PRPH2: variants seen among roughly 807,000 people sequenced by gnomAD.
The protein encoded by PRPH2 is peripherin 2.
A neutral mutation model predicts 31.3 loss-of-function variants in PRPH2; 17 were observed. That is an observed-to-expected ratio of 0.54 (90% CI 0.37 to 0.81). The LOEUF (loss-of-function observed/expected upper bound fraction) is 0.81. Among genes scored for constraint, PRPH2 ranks in the 40% least tolerant of loss-of-function variants. The probability of loss-of-function intolerance (pLI) is 0.00; values close to 1 mark genes in which losing one functional copy is unlikely to be tolerated. For missense variants in PRPH2, 430 were observed against 439.7 expected, an observed-to-expected ratio of 0.98 and a Z score of 0.20; for synonymous variants, 165 against 184.4, an observed-to-expected ratio of 0.89 and a Z score of 0.85.
intron 2 of PRPH2, among the ~76,000 whole-genome samples, chr6:42,701,872 C>T (rs1800052308): frequency 6.6e-6 from 1 of 151,794 alleles, no homozygotes; most frequent in Admixed American, 6.6e-5. Context: ...CCTCATTCTA[C>T]CCACCCAAGA....
intron 2 of PRPH2, among the ~76,000 whole-genome samples, chr6:42,699,464 C>T (rs1800010872): frequency 6.6e-6 from 1 of 152,176 alleles, no homozygotes; most frequent in South Asian, 2.1e-4. Flanking sequence ...TGCCAAAATG[C>T]CTGGGTTCAA....
rs753117002 is a variant in PRPH2, at chr6:42,704,346, C to A, written c.828+19G>T. The A allele has an allele frequency of 6.2e-6, 10 of 1,603,804 alleles. No homozygotes were observed. Among genetic ancestry groups the A allele is most frequent in the Non-Finnish European group, 8.5e-6 (10 of 1,175,432 alleles). ...GGAGGCTCTCCTTACCCTCTACCCC[C>A]AGCTGGCCCAGGGCCTACCTCGAAG... On this transcript the variant is annotated intron_variant, in intron 2 of 2. Transcript: ENST00000230381.
In PRPH2 at chr6:42,697,362, A is replaced by C. The variant is rs1024027455; in HGVS notation, c.*933T>G. 1 of 152,162 alleles carries C rather than the reference A, an allele frequency of 6.6e-6. No individual in the cohort carries two copies. Among genetic ancestry groups the C allele is most frequent in the African/African-American group, 2.4e-5 (1 of 41,418 alleles). The allele number at this position is 152,162 out of a possible 1,614,324, so 9.4% of individuals were successfully genotyped here. On this transcript the variant is annotated 3_prime_UTR_variant, in exon 3 of 3. Transcript: ENST00000230381. ...TTGCTGTGGACAATTAGTGTTGTCCATGGGGCTGTGATGGCCACCTGTGTG... is the reference window on the plus strand; with the variant it reads ...TTGCTGTGGACAATTAGTGTTGTCCCTGGGGCTGTGATGGCCACCTGTGTG...
Position 42,721,967 on chromosome 6 carries a change from C to G in PRPH2, c.368G>C (p.Arg123Pro). The G allele has an allele frequency of 6.2e-7, 1 of 1,613,974 alleles. No individual in the cohort carries two copies. Among genetic ancestry groups the G allele is most frequent in the Non-Finnish European group, 8.5e-7 (1 of 1,180,004 alleles). ...FLVALCCFLL[R>P]GSLENTLGQG... ...GCCCAGGGTGTTCTCCAGCGAGCCCCGAAGCAGAAAGCAGCAGAGAGCCAC... is the reference window on the plus strand; with the variant it reads ...GCCCAGGGTGTTCTCCAGCGAGCCCGGAAGCAGAAAGCAGCAGAGAGCCAC... The change falls in exon 1 of 3, where the codon CGG becomes CCG. Residue 123 changes from arginine to proline, a missense_variant. Transcript: ENST00000230381.
Position 42,721,925 on chromosome 6 carries a change from C to A in PRPH2, c.410G>T (p.Gly137Val). 1 of 1,614,184 alleles carries A rather than the reference C, an allele frequency of 6.2e-7. No individual in the cohort carries two copies. The highest frequency in any genetic ancestry group is 8.5e-7 in the Non-Finnish European group (1 of 1,180,034). ...ENTLGQGLKN[G>V]MKYYRDTDTP... ...GTCTGTGTCCCGGTAGTACTTCATG[C>A]CGTTCTTGAGCCCTTGGCCCAGGGT... Residue 137 changes from glycine to valine, a missense_variant, in exon 1 of 3, where the codon GGC (glycine) becomes GTC (valine). By Grantham distance (109) the Gly-to-Val change is moderately radical (BLOSUM62 -3). Coordinates refer to ENST00000230381, the MANE Select transcript of PRPH2 (RefSeq NM_000322.5).
In PRPH2 at chr6:42,722,306, T is replaced by G; in HGVS notation, c.29A>C (p.Gln10Pro). The G allele has an allele frequency of 1.2e-6, 2 of 1,614,044 alleles. No individual in the cohort carries two copies. Among genetic ancestry groups the G allele is most frequent in the Non-Finnish European group, 1.7e-6 (2 of 1,180,044 alleles). MALLKVKFD[Q>P]KKRVKLAQGL... Reference sequence around the variant, plus strand: ...TTGGGCCAACTTGACCCGCTTCTTCTGGTCAAACTTGACTTTCAGTAGCGC... The same window carrying G: ...TTGGGCCAACTTGACCCGCTTCTTCGGGTCAAACTTGACTTTCAGTAGCGC... The change falls in exon 1 of 3, where the codon CAG becomes CCG. Residue 10 changes from glutamine (Q) to proline (P), a missense_variant. Transcript: ENST00000230381. This position sits in a 1 kb window ranked among gnomAD's most constrained non-coding sequence, Gnocchi z 4.4.
intron 1 of PRPH2, among the ~76,000 whole-genome samples, chr6:42,708,735 G>T (rs908889643): frequency 3.9e-5 from 6 of 152,218 alleles, no homozygotes; most frequent in African/African-American, 1.4e-4. Flanking sequence ...TGGACAGGGT[G>T]GGGGTGATTG....
intron 2 of PRPH2, among the ~76,000 whole-genome samples, chr6:42,700,288 C>T (rs933816560): frequency 6.6e-6 from 1 of 152,090 alleles, no homozygotes; most frequent in African/African-American, 2.4e-5. Flanking sequence ...TAATATATTC[C>T]GTATATTCCG....
chr6:42,705,369 G>A (rs12333110), intron 1 of PRPH2, among the ~76,000 whole-genome samples: 38,628 of 151,276 alleles, frequency 0.26, 5,354 homozygotes, highest in East Asian at 0.47. Context: ...TGTTCTACCT[G>A]GCCTGGGGGT....
chr6:42,722,346 G>C lies in PRPH2; in HGVS notation c.-12C>G. On this transcript the variant is annotated 5_prime_UTR_variant, in exon 1 of 3. Coordinates refer to ENST00000230381, the MANE Select transcript of PRPH2 (RefSeq NM_000322.5). The surrounding 1 kb of genome is among the most constrained non-coding windows in gnomAD (Gnocchi z 4.4). ...TTCAGTAGCGCCATGCTTGCCAAGT[G>C]TAGTCCGGGTTGCTTCCCACAGCAC... 6.2e-7 allele frequency: 1 copy of C among 1,612,936 alleles called. No homozygotes were observed. The highest frequency in any genetic ancestry group is 2.2e-5 in the East Asian group (1 of 44,888).
intron 1 of PRPH2, among the ~76,000 whole-genome samples, chr6:42,719,167 C>CTTTTTTTTTTTTTTTTTTTTTT (rs10594241): frequency 6.9e-6 from 1 of 144,910 alleles, no homozygotes; most frequent in Non-Finnish European, 1.5e-5. Context: ...AGTGGACTTC[C>CTTTTTTTTTTTTTTTTTTTTTT]TTTTTTTTTT....
intron 1 of PRPH2, among the ~76,000 whole-genome samples, chr6:42,713,380 C>T (rs991676898): frequency 6.6e-6 from 1 of 152,140 alleles, no homozygotes; most frequent in African/African-American, 2.4e-5. Context: ...TCTTCCTGGC[C>T]CACCCAGGAC....
In PRPH2 at chr6:42,711,730, G is replaced by A. The variant is rs189960238; in HGVS notation, c.582-7119C>T. On this transcript the variant is annotated intron_variant, in intron 1 of 2. Coordinates refer to ENST00000230381, the MANE Select transcript of PRPH2 (RefSeq NM_000322.5). ...CTAATCTTCTCCTTGAGATGTCTAC[G>A]AATTGTTTAAGAAGAGCAAGCAGGT... 1.2e-4 allele frequency: 116 copies of A among 979,824 alleles called. No homozygotes were observed. The East Asian group carries it at 2.2e-3, about 18-fold the overall frequency. The allele number at this position is 979,824 out of a possible 1,614,324, so 60.7% of individuals were successfully genotyped here. A position where few individuals can be genotyped will look rare whatever the true frequency, so the allele number is the denominator to read the frequency against.
chr6:42,711,656 C>T (rs1042535498), intron 1 of PRPH2, among the ~76,000 whole-genome samples: 3 of 152,224 alleles, frequency 2.0e-5, no homozygotes, highest in Non-Finnish European at 4.4e-5. Flanking sequence ...ACACAGCTCT[C>T]TTCAAAGAGT....
rs930473560 is a variant in PRPH2, at chr6:42,700,710, G to T, written c.829-2203C>A. 3.9e-5 allele frequency among the ~76,000 whole-genome samples: 6 copies of T among 152,286 alleles called. No homozygotes were observed. The South Asian group carries it at 1.2e-3, about 32-fold the overall frequency. On this transcript the variant is annotated intron_variant, in intron 2 of 2. Transcript: ENST00000230381. ...TGCACTGTGAGTTTTGCACTTGGTA[G>T]TGATCCTCCCTTTGGCTCATAAATT...
Position 42,721,873 on chromosome 6 carries a change from C to G in PRPH2, c.462G>C (p.Lys154Asn), listed in dbSNP as rs935103151. 1 of 1,614,076 alleles carries G rather than the reference C, an allele frequency of 6.2e-7. No homozygotes were observed. The highest frequency in any genetic ancestry group is 1.3e-5 in the African/African-American group (1 of 74,922). ...ACTCGATCTGCAGCATGTCGATGGT[C>G]TTCTTCATGAAACACCTGCCAGGGG... ...TDTPGRCFMK[K>N]TIDMLQIEFK... Residue 154 changes from lysine (K) to asparagine (N), a missense_variant, in exon 1 of 3, where the codon AAG becomes AAC. Lys to Asn is a moderately conservative substitution (Grantham distance 94). Coordinates refer to ENST00000230381, the MANE Select transcript of PRPH2 (RefSeq NM_000322.5).
At chr6:42,716,965 T>TC (rs1761798566) in intron 1 of PRPH2, among the ~76,000 whole-genome samples, 1 of 112,562 alleles carries the variant, frequency 8.9e-6, no homozygotes, top group Admixed American at 8.7e-5. Flanking sequence ...TTCTTTTCTT[T>TC]TTTTTTTTTT....
At chr6:42,714,825 A>G (rs1007521618) in intron 1 of PRPH2, among the ~76,000 whole-genome samples, 1 of 151,986 alleles carries the variant, frequency 6.6e-6, no homozygotes, top group African/African-American at 2.4e-5. Context: ...GCCGAAGCTG[A>G]TTTTCTTTTT....
rs1489351304 is a variant in PRPH2 at position 42,704,575 on chromosome 6, C to G, written c.618G>C (p.Val206=). ...IKSNVDGRYL[V]DGVPFSCCNP... ...TGCAGCAGCTGAAAGGGACGCCGTC[C>G]ACCAGGTACCGCCCATCCACGTTGC... Residue 206 remains valine, a synonymous_variant, in exon 2 of 3, where the codon GTG becomes GTC. Transcript: ENST00000230381. 1.2e-6 allele frequency: 2 copies of G among 1,614,190 alleles called. No individual in the cohort carries two copies.
Sources: allele counts gnomAD v4.1 joint callset (sites outside exome capture counted in the v4.1 genomes callset), GRCh38; gene constraint gnomAD v4.1.1; non-coding constraint Gnocchi (gnomAD v3.1); transcripts MANE v1.5; gene names NCBI Gene and HGNC (gene_info 2026-07-23, HGNC 2026-07-21).